Variants in LCA5 observed in about 807,000 individuals in gnomAD.
LCA5 encodes lebercilin LCA5, also known as lebercilin.
LCA5 carries 37 observed loss-of-function variants against 53.0 expected under a neutral mutation model. The ratio of observed to expected loss-of-function variants is 0.70; its 90% confidence interval spans 0.54 to 0.92. The LOEUF (loss-of-function observed/expected upper bound fraction) is 0.92, where lower values mean the gene tolerates loss of function less well. LCA5 is among the 40% of genes least tolerant of loss of function. The pLI is 0.00. For synonymous variants in LCA5, 303 were observed against 282.9 expected (o/e 1.07, Z -0.71); for missense variants, 806 against 790.5 (o/e 1.02, Z -0.23).
At chr6:79,488,721 A>G (rs1403238534) in intron 7 of LCA5, 4 of 373,624 alleles carry the variant, frequency 1.1e-5, no homozygotes, top group Non-Finnish European at 1.9e-5. Flanking sequence ...TTGCCACTTT[A>G]ACTTTGAAAC....
chr6:79,500,891 A>G (rs1770119259), intron 3 of LCA5, among the ~76,000 whole-genome samples: 1 of 151,150 alleles, frequency 6.6e-6, no homozygotes, highest in Non-Finnish European at 1.5e-5. Context: ...CAGCTTTTTG[A>G]CCCCCTGGTT....
chr6:79,508,374 C>T (rs771620867), intron 3 of LCA5, among the ~76,000 whole-genome samples: 15 of 152,102 alleles, frequency 9.9e-5, no homozygotes, highest in Non-Finnish European at 1.5e-4. Flanking sequence ...CTTCCATCAA[C>T]GAACAAAATA....
intron 2 of LCA5, among the ~76,000 whole-genome samples, chr6:79,517,603 AAAAAAG>A (rs1429960104): frequency 3.3e-5 from 5 of 152,276 alleles, no homozygotes; most frequent in East Asian, 1.9e-4. Flanking sequence ...TGTACTTACA[AAAAAAG>A]AAAAAGAAAA....
chr6:79,537,031 A>T (rs532920706), intron 1 of LCA5, 134 bp downstream of exon 1: 1 of 151,970 alleles, frequency 6.6e-6, no homozygotes. Context: ...TAATCCCTTC[A>T]TCTTCCCTGC....
At chr6:79,489,010 A>G (rs1246167853) in intron 7 of LCA5, 74 bp downstream of exon 7, 25 of 1,535,676 alleles carry the variant, frequency 1.6e-5, no homozygotes, top group African/African-American at 1.1e-4. Flanking sequence ...GCTGGAAGAT[A>G]TTAGAAGACG....
At chr6:79,489,748 A>T (rs887515235) in intron 6 of LCA5, among the ~76,000 whole-genome samples, 13 of 152,110 alleles carry the variant, frequency 8.5e-5, no homozygotes, top group Non-Finnish European at 1.9e-4. Flanking sequence ...GATTTTTCTT[A>T]ATAAAAGTGA....
chr6:79,510,664 G>A (rs1284746042), intron 3 of LCA5, among the ~76,000 whole-genome samples: 2 of 152,092 alleles, frequency 1.3e-5, no homozygotes, highest in Middle Eastern at 6.3e-3. Flanking sequence ...TACAGAATGG[G>A]AGAAAACTTT....
intron 1 of LCA5, among the ~76,000 whole-genome samples, chr6:79,527,993 A>G (rs1766840280): frequency 6.6e-6 from 1 of 152,196 alleles, no homozygotes; most frequent in Admixed American, 6.5e-5. Context: ...GACAGGGTAC[A>G]GGGATGTGAA....
intron 4 of LCA5, among the ~76,000 whole-genome samples, chr6:79,493,037 T>C (rs1290869046): frequency 3.3e-5 from 5 of 152,046 alleles, no homozygotes; most frequent in African/African-American, 1.2e-4. Context: ...TACTTGACCA[T>C]TTTGGGTCTG....
Position 79,486,079 on chromosome 6 carries a change from T to G in LCA5, c.*925A>C, listed in dbSNP as rs1275605088. 1 of 152,240 alleles carries G rather than the reference T, an allele frequency of 6.6e-6. No homozygotes were observed. Among genetic ancestry groups the G allele is most frequent in the African/African-American group, 2.4e-5 (1 of 41,468 alleles). 9.4% of individuals were successfully genotyped at this position (152,240 alleles called of 1,614,324 possible). Reference sequence around the variant, plus strand: ...TTGTCTCCTTGGTTTGAGGACAAGTTCAAATCTTAAAAGCATTAACATTGC... The same window carrying G: ...TTGTCTCCTTGGTTTGAGGACAAGTGCAAATCTTAAAAGCATTAACATTGC... On this transcript the variant is annotated 3_prime_UTR_variant, in exon 8 of 8. Transcript: ENST00000369846.
Position 79,513,698 on chromosome 6 carries a change from T to G in LCA5, c.234A>C (p.Gly78=). The G allele has an allele frequency of 6.2e-7, 1 of 1,613,730 alleles. No homozygotes were observed. Among genetic ancestry groups the G allele is most frequent in the Non-Finnish European group, 8.5e-7 (1 of 1,179,766 alleles). Residue 78 remains glycine (G), a synonymous_variant, in exon 3 of 8, where the codon GGA becomes GGC. Transcript: ENST00000369846. The stretch of plus-strand genomic sequence containing the variant: ...TCTGGGAGCGAAATCCCACTCGGAC[T>G]CCCTTTCTGTTTGGTAGACCCTTAG... ...PSPKGLPNRK[G]VRVGFRSQSL...
chr6:79,487,171 T>G lies in LCA5; in HGVS notation c.1927A>C (p.Asn643His), dbSNP rs912026122. The change falls in exon 8 of 8, where the codon AAT becomes CAT. Residue 643 changes from asparagine (N) to histidine (H), a missense_variant. Asn to His is a moderately conservative substitution (Grantham distance 68). Coordinates refer to ENST00000369846, the MANE Select transcript of LCA5 (RefSeq NM_001122769.3). Reference protein sequence around the residue: ...DIDPLNFLPGNKGSRDQEHDE... With the variant: ...DIDPLNFLPGHKGSRDQEHDE... ...TGTTCTTGATCTCTGCTGCCTTTATTCCCAGGGAGAAAATTTAGAGGGTCA... is the reference window on the plus strand; with the variant it reads ...TGTTCTTGATCTCTGCTGCCTTTATGCCCAGGGAGAAAATTTAGAGGGTCA... 1 of 1,613,918 alleles carries G rather than the reference T, an allele frequency of 6.2e-7. No homozygotes were observed. The highest frequency in any genetic ancestry group is 1.6e-4 in the Middle Eastern group (1 of 6,084).
intron 6 of LCA5, among the ~76,000 whole-genome samples, chr6:79,491,289 A>T (rs1182894343): frequency 6.6e-6 from 1 of 152,000 alleles, no homozygotes; most frequent in Non-Finnish European, 1.5e-5. Context: ...AAATTTTATT[A>T]TTATTATACT....
intron 1 of LCA5, among the ~76,000 whole-genome samples, chr6:79,531,410 T>C (rs978547441): frequency 6.6e-6 from 1 of 152,198 alleles, no homozygotes; most frequent in Non-Finnish European, 1.5e-5. Flanking sequence ...TGATGCTTGA[T>C]TCCATGTTCT....
upstream of LCA5, among the ~76,000 whole-genome samples, chr6:79,538,160 A>AAG (rs1767215962): frequency 6.7e-6 from 1 of 149,624 alleles, no homozygotes; most frequent in Admixed American, 6.7e-5. Context: ...GTAAAAAAAA[A>AAG]TCCTCTTTCG....
At chr6:79,490,101 A>C (rs1448668814) in intron 6 of LCA5, among the ~76,000 whole-genome samples, 2 of 152,054 alleles carry the variant, frequency 1.3e-5, no homozygotes, top group African/African-American at 4.8e-5. Context: ...CTGTCTACCA[A>C]CTGTGAACTA....
intron 1 of LCA5, among the ~76,000 whole-genome samples, chr6:79,520,992 T>C (rs1030690040): frequency 4.6e-5 from 7 of 152,196 alleles, no homozygotes; most frequent in Non-Finnish European, 4.4e-5. Context: ...AGGATGGAAA[T>C]GTTCTATAGT....
chr6:79,490,744 A>G (rs541485850), intron 6 of LCA5, among the ~76,000 whole-genome samples: 5 of 152,234 alleles, frequency 3.3e-5, no homozygotes, highest in African/African-American at 1.2e-4. Flanking sequence ...TCTGTTTTAT[A>G]CCTCAAGAAG....
Position 79,513,700 on chromosome 6 carries a change from C to A in LCA5, c.232G>T (p.Gly78Ter). The change falls in exon 3 of 8, where the codon GGA becomes TGA. Residue 78 changes from glycine to a stop codon, truncating the protein, a stop_gained. Transcript: ENST00000369846. LOFTEE classifies it high-confidence loss of function. The stretch of plus-strand genomic sequence containing the variant: ...TGGGAGCGAAATCCCACTCGGACTC[C>A]CTTTCTGTTTGGTAGACCCTTAGGG... ...PSPKGLPNRKGVRVGFRSQSL... is the reference protein window; with the variant it reads ...PSPKGLPNRK 6.2e-7 allele frequency: 1 copy of A among 1,613,710 alleles called. No individual in the cohort carries two copies. The highest frequency in any genetic ancestry group is 8.5e-7 in the Non-Finnish European group (1 of 1,179,762).
Sources: allele counts gnomAD v4.1 joint callset (sites outside exome capture counted in the v4.1 genomes callset), GRCh38; gene constraint gnomAD v4.1.1; transcripts MANE v1.5; gene names NCBI Gene and HGNC (gene_info 2026-07-23, HGNC 2026-07-21).